FRMPD4: variants seen among roughly 807,000 people sequenced by gnomAD.
The protein encoded by FRMPD4 is FERM and PDZ domain-containing protein 4.
In FRMPD4, 22 loss-of-function variants were observed where a neutral mutation model predicts 94.1. That is an observed-to-expected ratio of 0.23 (90% CI 0.17 to 0.33). The LOEUF is 0.33. Among genes scored for constraint, FRMPD4 ranks in the 10% least tolerant of loss-of-function variants. FRMPD4 has a pLI of 1.00. For missense variants in FRMPD4, 1,111 were observed against 1,339.9 expected (o/e 0.83, Z 2.67); for synonymous variants, 631 against 548.6 (o/e 1.15, Z -2.10).
intron 3 of FRMPD4, among the ~76,000 whole-genome samples, chrX:12,049,540 A>G (rs1177475307): frequency 9.0e-6 from 1 of 111,433 alleles, no homozygotes; most frequent in Non-Finnish European, 1.9e-5. Context: ...TCAATGATGG[A>G]CTGCCTGTAT....
In FRMPD4 at chrX:12,182,514, G is replaced by T. The variant is rs963958298; in HGVS notation, c.41+43502G>T. Among the ~76,000 whole-genome samples, 3 of 110,442 alleles carry T rather than the reference G, an allele frequency of 2.7e-5. No homozygotes were observed. The South Asian group carries it at 1.2e-3, about 43-fold the overall frequency. ...GCCTGGAACCTAGTTACATTTCTCA[G>T]TCCCACCTTCTATCTAAAACTTTGT... On this transcript the variant is annotated intron_variant, in intron 1 of 16. Transcript: ENST00000675598.
intron 1 of FRMPD4, among the ~76,000 whole-genome samples, chrX:12,213,975 A>G (rs2056779788): frequency 8.9e-6 from 1 of 112,262 alleles, no homozygotes. Context: ...TTTACTTGAA[A>G]GTGGAGTTGG....
chrX:12,207,819 C>T (rs1039945776), intron 1 of FRMPD4, among the ~76,000 whole-genome samples: 2 of 111,264 alleles, frequency 1.8e-5, no homozygotes, highest in African/African-American at 6.5e-5. Flanking sequence ...AAACTATGCA[C>T]ATGCAGGTAT....
intron 3 of FRMPD4, among the ~76,000 whole-genome samples, chrX:11,987,701 A>G (rs1329360957): frequency 1.8e-5 from 2 of 111,981 alleles, no homozygotes; most frequent in Non-Finnish European, 3.8e-5. Flanking sequence ...AACCTATTAA[A>G]ACTGATAAAC....
chrX:12,594,397 C>T (rs894808328), intron 2 of FRMPD4, among the ~76,000 whole-genome samples: 10 of 111,121 alleles, frequency 9.0e-5, no homozygotes, highest in South Asian at 3.8e-4. Context: ...TGACTTTCCA[C>T]ATAGATACTG....
intron 1 of FRMPD4, among the ~76,000 whole-genome samples, chrX:12,193,778 G>T (rs776186001): frequency 3.3e-5 from 1 of 30,442 alleles, no homozygotes; most frequent in Non-Finnish European, 5.2e-5. Context: ...AAGAAAGGAA[G>T]GAAGGAAGGA....
chrX:12,250,022 TTC>T lies in FRMPD4; in HGVS notation c.41+111036_41+111037del, dbSNP rs3835008. On this transcript the variant is annotated intron_variant, in intron 1 of 16. Coordinates refer to ENST00000675598, the MANE Select transcript of FRMPD4 (RefSeq NM_001368397.1). Reference sequence around the variant, plus strand: ...TTGGGTTTAATTATTAATTATGGTATTCTCTCTCTCTCTCTCTCTCTCTCTCT... The same window carrying T: ...TTGGGTTTAATTATTAATTATGGTATTCTCTCTCTCTCTCTCTCTCTCTCT... Among the ~76,000 whole-genome samples the T allele has an allele frequency of 7.0e-3, 684 of 97,314 alleles. 10 individuals are homozygous for T. The highest frequency in any genetic ancestry group is 0.022 in the African/African-American group (577 of 26,233). The allele number at this position is 97,314 out of a possible 115,157, so 84.5% of individuals were successfully genotyped here. A position where few individuals can be genotyped will look rare whatever the true frequency, so the allele number is the denominator to read the frequency against.
intron 2 of FRMPD4, among the ~76,000 whole-genome samples, chrX:11,867,669 A>G (rs1022077827): frequency 3.6e-5 from 4 of 111,911 alleles, no homozygotes; most frequent in African/African-American, 1.3e-4. Flanking sequence ...CTGCACCCCA[A>G]TGGGTCATTT....
intron 3 of FRMPD4, among the ~76,000 whole-genome samples, chrX:12,093,226 G>A (rs763576731): frequency 1.6e-3 from 181 of 111,513 alleles, no homozygotes; most frequent in African/African-American, 5.6e-3. Context: ...CATTTAGAGG[G>A]TTATGAGCAA....
intron 1 of FRMPD4, among the ~76,000 whole-genome samples, chrX:12,159,006 A>G (rs1222626277): frequency 8.9e-6 from 1 of 112,230 alleles, no homozygotes; most frequent in Non-Finnish European, 1.9e-5. Flanking sequence ...TGCTAGACCT[A>G]TAATATTTAA....
Position 12,721,172 on chromosome X carries a change from C to T in FRMPD4, c.4603C>T (p.Gln1535Ter). The T allele has an allele frequency of 1.3e-6, 1 of 754,740 alleles. No individual in the cohort carries two copies. Among genetic ancestry groups the T allele is most frequent in the Non-Finnish European group, 1.6e-6 (1 of 638,384 alleles). 62.2% of individuals were successfully genotyped at this position (754,740 alleles called of 1,213,427 possible). ...CCAGGTCTCTTGCCTCTATAGACCA[C>T]AGATGACTCAAGCCATGCCAGAACC... ...TVQVSCLYRP[Q>*]MTQAMPEPSS... The change falls in exon 17 of 17, where the codon CAG becomes TAG. Residue 1535 changes from glutamine to a stop codon, truncating the protein, a stop_gained. Transcript: ENST00000675598. LOFTEE classifies it high-confidence loss of function.
intron 3 of FRMPD4, among the ~76,000 whole-genome samples, chrX:11,894,246 C>A (rs928254728): frequency 2.0e-4 from 22 of 111,973 alleles, no homozygotes; most frequent in African/African-American, 7.1e-4. Flanking sequence ...TCTGGTTGAA[C>A]CTTGACTGAG....
At chrX:12,326,846 T>C (rs1435664004) in intron 1 of FRMPD4, among the ~76,000 whole-genome samples, 1 of 110,716 alleles carries the variant, frequency 9.0e-6, no homozygotes, top group Non-Finnish European at 1.9e-5. Flanking sequence ...GCGCCTGTAG[T>C]AGCTACTCAG....
chrX:12,334,552 CCT>C (rs1049140311), intron 1 of FRMPD4, among the ~76,000 whole-genome samples: 1 of 110,289 alleles, frequency 9.1e-6, no homozygotes, highest in Non-Finnish European at 1.9e-5. Flanking sequence ...AGTTACTAAG[CCT>C]CTCTCTGTTC....
At chrX:12,259,342 A>G (rs760324026) in intron 1 of FRMPD4, among the ~76,000 whole-genome samples, 1 of 111,008 alleles carries the variant, frequency 9.0e-6, no homozygotes, top group Non-Finnish European at 1.9e-5. Context: ...GAGAAGAGGG[A>G]AATTTGGACA....
intron 1 of FRMPD4, among the ~76,000 whole-genome samples, chrX:12,293,401 A>G (rs1338576191): frequency 8.9e-6 from 1 of 112,701 alleles, no homozygotes; most frequent in East Asian, 2.8e-4. Flanking sequence ...ATTGTACCTT[A>G]ATTCACTTGT....
At chrX:12,642,764 G>A (rs1164021322) in intron 4 of FRMPD4, among the ~76,000 whole-genome samples, 1 of 112,264 alleles carries the variant, frequency 8.9e-6, no homozygotes, top group Non-Finnish European at 1.9e-5. Context: ...TTAGCAGCGT[G>A]TTGTGGTATG....
chrX:12,584,140 G>T (rs1305194745), intron 2 of FRMPD4, among the ~76,000 whole-genome samples: 1 of 112,185 alleles, frequency 8.9e-6, no homozygotes, highest in African/African-American at 3.2e-5. Context: ...GAACCTACCC[G>T]GATTTTAAAG....
At chrX:11,906,877 T>C (rs139602774) in intron 3 of FRMPD4, among the ~76,000 whole-genome samples, 2,729 of 111,406 alleles carry the variant, frequency 0.024, 30 homozygotes, top group Non-Finnish European at 0.039. Context: ...TTCATAAGTC[T>C]TCAAGTCTCT....
Sources: allele counts gnomAD v4.1 joint callset (sites outside exome capture counted in the v4.1 genomes callset), GRCh38; gene constraint gnomAD v4.1.1; transcripts MANE v1.5; gene names NCBI Gene and HGNC (gene_info 2026-07-23, HGNC 2026-07-21).